The following NRG3 variants were observed in gnomAD, a reference collection of about 807,000 sequenced individuals.
The protein encoded by NRG3 is neuregulin 3.
In NRG3, 31 loss-of-function variants were observed where a neutral mutation model predicts 66.9. That is an observed-to-expected ratio of 0.46 (90% CI 0.35 to 0.63). The LOEUF (loss-of-function observed/expected upper bound fraction) is 0.63, where lower values mean the gene tolerates loss of function less well. NRG3 is among the 20% of genes least tolerant of loss of function. The probability of loss-of-function intolerance (pLI) is 0.00; values close to 1 mark genes in which losing one functional copy is unlikely to be tolerated. For missense variants in NRG3, 910 were observed against 878.9 expected, an observed-to-expected ratio of 1.04 and a Z score of -0.45; for synonymous variants, 393 against 359.4, an observed-to-expected ratio of 1.09 and a Z score of -1.06.
At chr10:82,335,925 G>A (rs1369414311) in intron 1 of NRG3, among the ~76,000 whole-genome samples, 2 of 152,144 alleles carry the variant, frequency 1.3e-5, no homozygotes, top group Admixed American at 6.5e-5. Context: ...TTGGTAAATT[G>A]TGTAAGGGGT....
At chr10:82,838,520 A>G (rs1274467528) in intron 3 of NRG3, among the ~76,000 whole-genome samples, 2 of 152,172 alleles carry the variant, frequency 1.3e-5, no homozygotes, top group Non-Finnish European at 2.9e-5. Flanking sequence ...CTCATGCTCA[A>G]CAAAGATTTA....
intron 1 of NRG3, among the ~76,000 whole-genome samples, chr10:82,337,015 G>A (rs1190734850): frequency 6.6e-6 from 1 of 151,970 alleles, no homozygotes; most frequent in Non-Finnish European, 1.5e-5. Flanking sequence ...TTCTCAAATG[G>A]TTTGCAAAGG....
At chr10:82,447,318 C>T (rs910115499) in intron 2 of NRG3, among the ~76,000 whole-genome samples, 3 of 152,120 alleles carry the variant, frequency 2.0e-5, no homozygotes, top group Admixed American at 6.5e-5. Context: ...GGCACAGTGG[C>T]CCATGCCTGT....
chr10:82,132,516 G>GATATATATATC (rs1318095947), intron 1 of NRG3, among the ~76,000 whole-genome samples: 1 of 11,840 alleles, frequency 8.4e-5, no homozygotes, highest in African/African-American at 3.8e-4. Flanking sequence ...ATATATATAT[G>GATATATATATC]ATATATATGA....
intron 1 of NRG3, among the ~76,000 whole-genome samples, chr10:82,103,494 T>G (rs902085902): frequency 1.3e-5 from 2 of 152,172 alleles, no homozygotes; most frequent in African/African-American, 2.4e-5. Context: ...TTTTAAAACC[T>G]TTGTTACTCT....
At chr10:82,737,862 T>C (rs2058231198) in intron 2 of NRG3, among the ~76,000 whole-genome samples, 1 of 152,184 alleles carries the variant, frequency 6.6e-6, no homozygotes, top group Non-Finnish European at 1.5e-5. Context: ...CCAGGCAAAT[T>C]CCTTGCCTCC....
chr10:82,044,008 G>A (rs903246691), intron 1 of NRG3, among the ~76,000 whole-genome samples: 1 of 151,896 alleles, frequency 6.6e-6, no homozygotes, highest in African/African-American at 2.4e-5. Context: ...TTTCATTTTT[G>A]GTGAATGAGT....
chr10:82,347,410 G>T (rs564861472), intron 1 of NRG3, among the ~76,000 whole-genome samples: 10 of 152,136 alleles, frequency 6.6e-5, no homozygotes, highest in Non-Finnish European at 1.2e-4. Flanking sequence ...GTTCTAGTTT[G>T]ATTGCACTGT....
At chr10:82,673,017 T>C (rs2053409849) in intron 2 of NRG3, among the ~76,000 whole-genome samples, 1 of 152,212 alleles carries the variant, frequency 6.6e-6, no homozygotes, top group Non-Finnish European at 1.5e-5. Flanking sequence ...TCCCAAAGTG[T>C]TGGGATTACA....
intron 2 of NRG3, among the ~76,000 whole-genome samples, chr10:82,617,135 A>G (rs1016525812): frequency 1.3e-5 from 2 of 152,016 alleles, no homozygotes; most frequent in Non-Finnish European, 2.9e-5. Context: ...CTCCACATAC[A>G]TGCACACACA....
At chr10:82,559,470 G>A (rs1208710762) in intron 2 of NRG3, among the ~76,000 whole-genome samples, 1 of 152,154 alleles carries the variant, frequency 6.6e-6, no homozygotes, top group Non-Finnish European at 1.5e-5. Context: ...GAAGGAATGG[G>A]CCTCTATTAT....
intron 2 of NRG3, among the ~76,000 whole-genome samples, chr10:82,670,266 C>T (rs1418784048): frequency 1.3e-5 from 2 of 151,952 alleles, no homozygotes; most frequent in African/African-American, 4.8e-5. Context: ...TTTTCTATCT[C>T]TCCCTCACAA....
intron 2 of NRG3, among the ~76,000 whole-genome samples, chr10:82,579,195 G>A (rs535260175): frequency 1.3e-4 from 19 of 151,428 alleles, no homozygotes; most frequent in South Asian, 1.0e-3. Flanking sequence ...ATGGAAGAAT[G>A]ATTACTAATC....
Position 82,906,843 on chromosome 10 carries a change from A to C in NRG3, c.1054+41406A>C, listed in dbSNP as rs1844781161. On this transcript the variant is annotated intron_variant, in intron 4 of 8. Coordinates refer to ENST00000372141, the MANE Select transcript of NRG3 (RefSeq NM_001010848.4). ...GTTAAGAAAGAAGTCTGCAGAAATC[A>C]GTTTGGAGGAATATTGAATCTAGTG... 1.3e-5 allele frequency among the ~76,000 whole-genome samples: 2 copies of C among 152,208 alleles called. 1 individual carries two copies. The highest frequency in any genetic ancestry group is 4.1e-4 in the South Asian group (2 of 4,836).
chr10:82,787,643 G>C (rs2060423735), intron 3 of NRG3, among the ~76,000 whole-genome samples: 1 of 152,188 alleles, frequency 6.6e-6, no homozygotes, highest in Non-Finnish European at 1.5e-5. Context: ...AATCCATGCT[G>C]AGGCTGCTTC....
rs912355936 is a variant in NRG3 at position 82,986,404 on chromosome 10, A to G, written c.*799A>G. 6.6e-6 allele frequency: 1 copy of G among 151,976 alleles called. No individual in the cohort carries two copies. Among genetic ancestry groups the G allele is most frequent in the African/African-American group, 2.4e-5 (1 of 41,346 alleles). The allele number at this position is 151,976 out of a possible 1,614,324, so 9.4% of individuals were successfully genotyped here. A position where few individuals can be genotyped will look rare whatever the true frequency, so the allele number is the denominator to read the frequency against. On this transcript the variant is annotated 3_prime_UTR_variant, in exon 9 of 9. Coordinates refer to ENST00000372141, the MANE Select transcript of NRG3 (RefSeq NM_001010848.4). ...TGTGTGCGAGCGTGTGTGTGTGTGG[A>G]CTTGCTCACGCGGGCACATATGCTG...
intron 2 of NRG3, among the ~76,000 whole-genome samples, chr10:82,545,763 C>G (rs531020493): frequency 7.0e-6 from 1 of 143,136 alleles, no homozygotes. Context: ...TTTTATTGAT[C>G]GTAATATATA....
At chr10:82,386,702 A>G (rs1313256751) in intron 2 of NRG3, among the ~76,000 whole-genome samples, 1 of 152,126 alleles carries the variant, frequency 6.6e-6, no homozygotes, top group Non-Finnish European at 1.5e-5. Context: ...ATAACTACCC[A>G]CTAATATGTC....
chr10:82,142,991 A>G (rs2069933579), intron 1 of NRG3, among the ~76,000 whole-genome samples: 1 of 147,830 alleles, frequency 6.8e-6, no homozygotes, highest in African/African-American at 2.5e-5. Context: ...CTGATCTGGA[A>G]CTCCTGGGCT....
Sources: allele counts gnomAD v4.1 joint callset (sites outside exome capture counted in the v4.1 genomes callset), GRCh38; gene constraint gnomAD v4.1.1; transcripts MANE v1.5; gene names NCBI Gene and HGNC (gene_info 2026-07-23, HGNC 2026-07-21).